The following NNT variants were observed in gnomAD, a reference collection of about 807,000 sequenced individuals.
NNT encodes NAD(P) transhydrogenase, mitochondrial.
A neutral mutation model predicts 104.8 loss-of-function variants in NNT; 50 were observed. That is an observed-to-expected ratio of 0.48 (90% CI 0.38 to 0.60). The LOEUF is 0.60. Among genes scored for constraint, NNT ranks in the 20% least tolerant of loss-of-function variants. The probability of loss-of-function intolerance (pLI) is 0.00; values close to 1 mark genes in which losing one functional copy is unlikely to be tolerated. For missense variants in NNT, 1,131 were observed against 1,330.7 expected, an observed-to-expected ratio of 0.85 and a Z score of 2.33; for synonymous variants, 461 against 490.4, an observed-to-expected ratio of 0.94 and a Z score of 0.79.
intron 19 of NNT, among the ~76,000 whole-genome samples, chr5:43,679,998 A>G (rs1035058479): frequency 2.0e-5 from 3 of 151,856 alleles, no homozygotes; most frequent in Non-Finnish European, 4.4e-5. Flanking sequence ...ATATATTAAT[A>G]TATTGTAGTT....
chr5:43,638,668 T>A (rs1050052875), intron 7 of NNT, among the ~76,000 whole-genome samples: 3 of 151,460 alleles, frequency 2.0e-5, no homozygotes, highest in Non-Finnish European at 4.4e-5. Context: ...AGTTTTGTTT[T>A]TTTTTTTTTT....
chr5:43,616,343 G>T (rs1337168910), intron 4 of NNT, among the ~76,000 whole-genome samples: 1 of 152,128 alleles, frequency 6.6e-6, no homozygotes, highest in Non-Finnish European at 1.5e-5. Context: ...TTTGTATGAG[G>T]AACACACTGT....
intron 6 of NNT, among the ~76,000 whole-genome samples, 167 bp from the exon 7 acceptor site, chr5:43,628,033 T>G (rs1228987687): frequency 1.3e-5 from 2 of 152,352 alleles, no homozygotes; most frequent in Middle Eastern, 3.4e-3. Context: ...ATAAATATGT[T>G]ACTTGCCTTT....
At chr5:43,646,958 T>G (rs1187445681) in intron 10 of NNT, among the ~76,000 whole-genome samples, 2 of 152,232 alleles carry the variant, frequency 1.3e-5, no homozygotes, top group Non-Finnish European at 2.9e-5. Flanking sequence ...TGTTGGAGGC[T>G]GAAATACGGA....
chr5:43,633,644 T>G (rs1242425820), intron 7 of NNT, among the ~76,000 whole-genome samples: 1 of 152,212 alleles, frequency 6.6e-6, no homozygotes, highest in Non-Finnish European at 1.5e-5. Context: ...GCAGGAGTCT[T>G]TGATTTATGC....
intron 19 of NNT, among the ~76,000 whole-genome samples, chr5:43,681,295 T>G (rs552060024): frequency 1.3e-5 from 2 of 152,140 alleles, no homozygotes; most frequent in Admixed American, 1.3e-4. Context: ...GGGGTAGAAT[T>G]TTTTTATTAT....
At chr5:43,652,283 C>T (rs1184538536) in intron 13 of NNT, among the ~76,000 whole-genome samples, 1 of 151,964 alleles carries the variant, frequency 6.6e-6, no homozygotes, top group Non-Finnish European at 1.5e-5. Flanking sequence ...TCTACAAATC[C>T]AGCACATCAT....
intron 21 of NNT, 152 bp downstream of exon 21, chr5:43,702,888 C>G: frequency 1.8e-6 from 1 of 553,726 alleles, no homozygotes. Context: ...CTATATCCAG[C>G]TTCTGTCTGT....
intron 12 of NNT, among the ~76,000 whole-genome samples, chr5:43,651,304 C>T (rs1223030253): frequency 2.6e-5 from 4 of 152,114 alleles, no homozygotes; most frequent in East Asian, 1.9e-4. Context: ...TGGCTGGGCA[C>T]GGTGGCTCAC....
intron 1 of NNT, among the ~76,000 whole-genome samples, chr5:43,606,192 G>A (rs1749218207): frequency 6.6e-6 from 1 of 152,124 alleles, no homozygotes; most frequent in Non-Finnish European, 1.5e-5. Flanking sequence ...GGAACTCTTT[G>A]TCAGCCCCAT....
At chr5:43,678,543 A>T (rs1164848033) in intron 19 of NNT, among the ~76,000 whole-genome samples, 1 of 152,124 alleles carries the variant, frequency 6.6e-6, no homozygotes, top group African/African-American at 2.4e-5. Context: ...CTGTGGTTTG[A>T]TTTGAGGAAA....
At chr5:43,634,679 A>G (rs1750844033) in intron 7 of NNT, among the ~76,000 whole-genome samples, 1 of 152,194 alleles carries the variant, frequency 6.6e-6, no homozygotes, top group African/African-American at 2.4e-5. Flanking sequence ...ACAGAGAGAA[A>G]CTTAAGTGTT....
intron 7 of NNT, among the ~76,000 whole-genome samples, chr5:43,642,699 C>T (rs1398749137): frequency 6.6e-6 from 1 of 152,086 alleles, no homozygotes; most frequent in Non-Finnish European, 1.5e-5. Context: ...GCATTTAGTC[C>T]CAGGAGCCTT....
chr5:43,672,823 A>C (rs1368509944), intron 17 of NNT, among the ~76,000 whole-genome samples: 2 of 152,240 alleles, frequency 1.3e-5, no homozygotes, highest in African/African-American at 4.8e-5. Flanking sequence ...TCAGACAGGG[A>C]CATGTAAGTC....
chr5:43,618,886 G>C, intron 4 of NNT, 146 bp from the exon 5 acceptor site: 1 of 386,892 alleles, frequency 2.6e-6, no homozygotes, highest in Non-Finnish European at 4.4e-6. Flanking sequence ...ACAACACTTA[G>C]AACTGTTTTT....
chr5:43,671,426 T>G (rs1741080347), intron 17 of NNT, among the ~76,000 whole-genome samples: 1 of 152,234 alleles, frequency 6.6e-6, no homozygotes, highest in Non-Finnish European at 1.5e-5. Context: ...TGGTACTGGT[T>G]GTTCCTTTCC....
chr5:43,626,800 A>G (rs1472201278), intron 6 of NNT, among the ~76,000 whole-genome samples: 1 of 150,600 alleles, frequency 6.6e-6, no homozygotes, highest in Admixed American at 6.7e-5. Context: ...ATGTGTATAT[A>G]TATGTATATG....
At chr5:43,694,738 TTGTGTGTGTGTGTGTG>T (rs61079918) in intron 19 of NNT, among the ~76,000 whole-genome samples, 14 of 137,816 alleles carry the variant, frequency 1.0e-4, no homozygotes, top group South Asian at 4.8e-4. Context: ...GGCCTAAAGT[TTGTGTGTGTGTGTGTG>T]TGTGTGTGTG....
At chr5:43,628,454 G>A in intron 7 of NNT, 67 bp downstream of exon 7, 2 of 1,190,252 alleles carry the variant, frequency 1.7e-6, no homozygotes, top group Middle Eastern at 2.9e-4. Flanking sequence ...AAAAGCGAGA[G>A]TGAATGATTG....
Sources: allele counts gnomAD v4.1 joint callset (sites outside exome capture counted in the v4.1 genomes callset), GRCh38; gene constraint gnomAD v4.1.1; transcripts MANE v1.5; gene names NCBI Gene and HGNC (gene_info 2026-07-23, HGNC 2026-07-21).